The following SMYD3 variants were observed in gnomAD, a reference collection of about 807,000 sequenced individuals.
The protein encoded by SMYD3 is histone-lysine N-methyltransferase SMYD3.
In SMYD3, 36 loss-of-function variants were observed where a neutral mutation model predicts 57.7. The ratio of observed to expected loss-of-function variants is 0.62; its 90% CI spans 0.48 to 0.82. The LOEUF (loss-of-function observed/expected upper bound fraction) is 0.82, where lower values mean the gene tolerates loss of function less well. SMYD3 is among the 40% of genes least tolerant of loss of function. SMYD3 has a pLI of 0.00. For missense variants in SMYD3, 515 were observed against 538.8 expected (o/e 0.96, Z 0.44); for synonymous variants, 211 against 195.0 (o/e 1.08, Z -0.68).
Position 246,018,314 on chromosome 1 carries a change from C to T in SMYD3, c.532-88377G>A, listed in dbSNP as rs565410617. ...CGTGTCTCTGTTGCCCTCTCCTGCC[C>T]GGCTGCCAGGTTTCCACGTGAATGC... On this transcript the variant is annotated intron_variant, in intron 5 of 11. Coordinates refer to ENST00000490107, the MANE Select transcript of SMYD3 (RefSeq NM_001167740.2). Among the ~76,000 whole-genome samples the T allele has an allele frequency of 1.8e-4, 27 of 152,220 alleles. No homozygotes were observed. In the East Asian group the frequency reaches 3.9e-3, roughly 22 times the overall value.
intron 10 of SMYD3, among the ~76,000 whole-genome samples, chr1:245,809,040 C>T (rs932876595): frequency 2.6e-5 from 4 of 152,188 alleles, no homozygotes; most frequent in Admixed American, 1.3e-4. Context: ...CAGGCGTGAG[C>T]CACTGCTCCT....
At chr1:245,937,430 A>G (rs977768422) in intron 5 of SMYD3, among the ~76,000 whole-genome samples, 3 of 152,194 alleles carry the variant, frequency 2.0e-5, no homozygotes, top group Non-Finnish European at 4.4e-5. Flanking sequence ...AAATAGTCAC[A>G]TATTTGTCCA....
intron 1 of SMYD3, among the ~76,000 whole-genome samples, chr1:246,410,063 A>G (rs970008565): frequency 1.3e-5 from 2 of 151,962 alleles, no homozygotes; most frequent in Admixed American, 1.3e-4. Context: ...GCTTAAGGAG[A>G]TTTTGGGCTG....
intron 1 of SMYD3, among the ~76,000 whole-genome samples, chr1:246,454,322 G>C (rs2067671162): frequency 1.3e-5 from 2 of 152,082 alleles, no homozygotes. Context: ...CTCTGCAGCA[G>C]TCAAAATAAA....
intron 1 of SMYD3, among the ~76,000 whole-genome samples, chr1:246,473,114 C>T (rs1244766598): frequency 6.6e-6 from 1 of 152,148 alleles, no homozygotes; most frequent in Non-Finnish European, 1.5e-5. Flanking sequence ...GCCTCGGCCT[C>T]CCAAAGTGCT....
At chr1:245,875,473 C>A (rs565864910) in intron 8 of SMYD3, among the ~76,000 whole-genome samples, 6 of 152,224 alleles carry the variant, frequency 3.9e-5, no homozygotes, top group Non-Finnish European at 7.3e-5. Context: ...CCGCCTGAGT[C>A]GTGCACATCT....
At chr1:245,837,249 A>G (rs140371133) in intron 10 of SMYD3, among the ~76,000 whole-genome samples, 3,985 of 151,284 alleles carry the variant, frequency 0.026, 168 homozygotes, top group African/African-American at 0.091. Flanking sequence ...AAAAAAAAAA[A>G]AAGAAGAAGA....
chr1:246,261,109 A>T (rs2064002246), intron 5 of SMYD3, among the ~76,000 whole-genome samples: 1 of 152,038 alleles, frequency 6.6e-6, no homozygotes, highest in Non-Finnish European at 1.5e-5. Flanking sequence ...CCCAGGCTGG[A>T]GTGCAGTGGC....
chr1:245,866,182 C>G (rs531594684), intron 8 of SMYD3, among the ~76,000 whole-genome samples: 1 of 152,280 alleles, frequency 6.6e-6, no homozygotes, highest in African/African-American at 2.4e-5. Context: ...AGGGGCAGAG[C>G]ACCACGAACC....
At chr1:246,092,874 A>C (rs1202409668) in intron 5 of SMYD3, among the ~76,000 whole-genome samples, 1 of 152,158 alleles carries the variant, frequency 6.6e-6, no homozygotes, top group Non-Finnish European at 1.5e-5. Context: ...ATTAATAATG[A>C]GACTATATAA....
chr1:246,154,300 G>A (rs976369563), intron 5 of SMYD3, among the ~76,000 whole-genome samples: 1 of 152,202 alleles, frequency 6.6e-6, no homozygotes, highest in African/African-American at 2.4e-5. Flanking sequence ...CTTTGGCAAA[G>A]TAAGATATAA....
chr1:246,225,321 CAAAAAAAA>C (rs60915002), intron 5 of SMYD3, among the ~76,000 whole-genome samples: 25 of 76,286 alleles, frequency 3.3e-4, no homozygotes, highest in African/African-American at 1.1e-3. Context: ...GCTGAAAAGT[CAAAAAAAA>C]AAAAAAAAAA....
chr1:246,439,410 T>TA (rs1220873495), intron 1 of SMYD3, among the ~76,000 whole-genome samples: 1 of 152,144 alleles, frequency 6.6e-6, no homozygotes, highest in Non-Finnish European at 1.5e-5. Context: ...TTGGAAACAA[T>TA]AAAAAATACT....
chr1:246,277,325 G>C (rs1162383573), intron 5 of SMYD3, among the ~76,000 whole-genome samples: 1 of 152,202 alleles, frequency 6.6e-6, no homozygotes, highest in Non-Finnish European at 1.5e-5. Flanking sequence ...CTTGCACACT[G>C]TTACAATGGC....
chr1:246,333,864 G>C (rs1315086576), intron 3 of SMYD3, among the ~76,000 whole-genome samples: 1 of 152,074 alleles, frequency 6.6e-6, no homozygotes, highest in Non-Finnish European at 1.5e-5. Flanking sequence ...CCAGCCTGGG[G>C]CAACAGAGTG....
intron 5 of SMYD3, among the ~76,000 whole-genome samples, chr1:246,125,612 C>T (rs1219506784): frequency 2.6e-5 from 4 of 151,948 alleles, no homozygotes; most frequent in African/African-American, 4.8e-5. Flanking sequence ...CTGAGGACCA[C>T]GATTTATGAG....
intron 5 of SMYD3, among the ~76,000 whole-genome samples, chr1:246,122,377 C>T (rs980408979): frequency 2.4e-4 from 37 of 152,172 alleles, no homozygotes; most frequent in African/African-American, 8.7e-4. Flanking sequence ...CAAGGTCGCA[C>T]CACTGCACTC....
chr1:246,137,410 C>T (rs1258841507), intron 5 of SMYD3, among the ~76,000 whole-genome samples: 2 of 152,202 alleles, frequency 1.3e-5, no homozygotes, highest in Non-Finnish European at 2.9e-5. Context: ...ACATGATTAT[C>T]TGCCAAAGAA....
intron 5 of SMYD3, among the ~76,000 whole-genome samples, chr1:245,936,106 C>T (rs1184671886): frequency 6.6e-6 from 1 of 152,152 alleles, no homozygotes; most frequent in Non-Finnish European, 1.5e-5. Context: ...ACCTTGTATA[C>T]ATTTACCAAA....
Sources: gnomAD v4.1 joint callset for allele counts (sites outside exome capture counted in the v4.1 genomes callset) on GRCh38, gnomAD v4.1.1 for gene constraint, MANE v1.5 for transcripts, NCBI Gene and HGNC (gene_info 2026-07-23, HGNC 2026-07-21) for gene names.